The following MYH14 variants were observed in gnomAD, a reference collection of about 807,000 sequenced individuals.
The protein encoded by MYH14 is myosin heavy chain 14.
Under a neutral mutation model 255.5 loss-of-function variants are expected in MYH14, and 123 were observed. That is an observed-to-expected ratio of 0.48 (90% CI 0.42 to 0.56). The LOEUF (loss-of-function observed/expected upper bound fraction) is 0.56. MYH14 is among the 20% of genes least tolerant of loss of function. The pLI is 0.00. For missense variants in MYH14, 2,423 were observed against 2,802.3 expected, an observed-to-expected ratio of 0.86 and a Z score of 3.06; for synonymous variants, 1,095 against 1,161.2, an observed-to-expected ratio of 0.94 and a Z score of 1.16.
chr19:50,230,771 TCG>T lies in MYH14; in HGVS notation c.973+150_973+151del. 6.0e-6 allele frequency: 4 copies of T among 662,254 alleles called. No individual in the cohort carries two copies. Among genetic ancestry groups the T allele is most frequent in the Non-Finnish European group, 1.0e-5 (4 of 381,382 alleles). The allele number at this position is 662,254 out of a possible 1,614,324, so 41.0% of individuals were successfully genotyped here. On this transcript the variant is annotated intron_variant, in intron 9 of 42. Transcript: ENST00000642316. The surrounding 1 kb of genome is among the most constrained non-coding windows in gnomAD (Gnocchi z 4.7). ...CATGAGGCTCCCGCAGCCCCTGCTCTCGCTGCGTAGTGGCGTCTGTCGCACGG... is the reference window on the plus strand; with the variant it reads ...CATGAGGCTCCCGCAGCCCCTGCTCTCTGCGTAGTGGCGTCTGTCGCACGG...
chr19:50,204,542 G>A (rs1183858176), intron 1 of MYH14, among the ~76,000 whole-genome samples: 2 of 152,100 alleles, frequency 1.3e-5, no homozygotes, highest in Non-Finnish European at 2.9e-5. Context: ...GACCCTTCCT[G>A]CCTCAGTTTC....
At chr19:50,208,086 TG>T (rs889411433) in intron 1 of MYH14, among the ~76,000 whole-genome samples, 36 of 152,350 alleles carry the variant, frequency 2.4e-4, no homozygotes, top group African/African-American at 7.9e-4. Flanking sequence ...TCCTGTCCCC[TG>T]GTTTATTCCT....
rs2035675096 is a variant in MYH14 at position 50,280,386 on chromosome 19, G to A, written c.4290+3G>A. 3.3e-6 allele frequency: 5 copies of A among 1,533,674 alleles called. No homozygotes were observed. Among genetic ancestry groups the A allele is most frequent in the Middle Eastern group, 4.6e-4 (2 of 4,312 alleles). Reference sequence around the variant, plus strand: ...AACTGCAGACTGCCCAGGCCCAGGTGAGCAGCCCTACGTAAGACCTTCAGG... The same window carrying A: ...AACTGCAGACTGCCCAGGCCCAGGTAAGCAGCCCTACGTAAGACCTTCAGG... On this transcript the variant is annotated splice_donor_region_variant and intron_variant, in intron 32 of 42. Transcript: ENST00000642316. The surrounding 1 kb of genome is among the most constrained non-coding windows in gnomAD (Gnocchi z 4.8).
intron 10 of MYH14, among the ~76,000 whole-genome samples, chr19:50,238,642 G>C (rs756184877): frequency 6.6e-6 from 1 of 151,962 alleles, no homozygotes; most frequent in African/African-American, 2.4e-5. Context: ...TGGTAGAGTC[G>C]GGGTTCACCA....
At chr19:50,231,806 G>C in intron 9 of MYH14, 124 bp from the exon 10 acceptor site, 1 of 1,362,646 alleles carries the variant, frequency 7.3e-7, no homozygotes, top group Non-Finnish European at 1.0e-6. Context: ...ACACTTGTGA[G>C]TAAAGGCCCC....
intron 14 of MYH14, 55 bp downstream of exon 14, chr19:50,249,878 G>A: frequency 6.3e-7 from 1 of 1,598,522 alleles, no homozygotes; most frequent in Non-Finnish European, 8.5e-7. Flanking sequence ...GTCTCTCCCA[G>A]CATCTGCGAG....
intron 1 of MYH14, among the ~76,000 whole-genome samples, chr19:50,205,142 G>A (rs2031661204): frequency 6.6e-6 from 1 of 152,148 alleles, no homozygotes; most frequent in Admixed American, 6.6e-5. Flanking sequence ...CTGGGCTGGG[G>A]AACTTTCTGA....
rs374486787 is a variant in MYH14, at chr19:50,271,837, T to C, written c.3172-12T>C. 6.7e-5 allele frequency: 108 copies of C among 1,612,764 alleles called. No individual in the cohort carries two copies. In the East Asian group the frequency reaches 8.5e-4, roughly 13 times the overall value. On this transcript the variant is annotated splice_polypyrimidine_tract_variant and intron_variant, in intron 25 of 42. Coordinates refer to ENST00000642316, the MANE Select transcript of MYH14 (RefSeq NM_001145809.2). ...TCCTCCTGACTGCCCCCCATCCCAC[T>C]CCACCCCTCAGGAGCGGAAGCTGCT...
intron 11 of MYH14, among the ~76,000 whole-genome samples, chr19:50,245,622 C>G (rs1205109811): frequency 1.3e-5 from 2 of 152,082 alleles, no homozygotes; most frequent in Non-Finnish European, 2.9e-5. Flanking sequence ...CCCCTCTTCC[C>G]CTGGAGACAG....
chr19:50,206,678 G>A (rs1423141255), intron 1 of MYH14, among the ~76,000 whole-genome samples: 1 of 152,146 alleles, frequency 6.6e-6, no homozygotes, highest in African/African-American at 2.4e-5. Flanking sequence ...GCGGAGCTGG[G>A]ATTCCCGTGG....
At chr19:50,271,601 A>G (rs1195916425) in intron 25 of MYH14, 55 bp downstream of exon 25, 18 of 1,572,994 alleles carry the variant, frequency 1.1e-5, no homozygotes, top group Non-Finnish European at 1.4e-5. Context: ...TGGTGGGTTA[A>G]TGAATGGTGA....
At chr19:50,248,191 C>A (rs1428350244) in intron 12 of MYH14, among the ~76,000 whole-genome samples, 1 of 152,004 alleles carries the variant, frequency 6.6e-6, no homozygotes, top group African/African-American at 2.4e-5. Flanking sequence ...CATGCAGGGT[C>A]TTAGGGGCCA....
chr19:50,261,573 C>A lies in MYH14; in HGVS notation c.2523C>A (p.Asp841Glu). ...GVLAQLEEERDLKVTDIIVSF... is the reference protein window; with the variant it reads ...GVLAQLEEERELKVTDIIVSF... The stretch of plus-strand genomic sequence containing the variant: ...TGGCCCAGCTGGAAGAGGAGCGAGA[C>A]CTGAAGGTCACCGACATCATCGTCT... The change falls in exon 21 of 43, where the codon GAC becomes GAA. Residue 841 changes from aspartate (D) to glutamate (E), a missense_variant. By Grantham distance (45) the Asp-to-Glu change is conservative. This residue lies in a region of MYH14 where 1,513 missense variants were observed against 1,674.8 expected (regional missense o/e 0.90). Coordinates refer to ENST00000642316, the MANE Select transcript of MYH14 (RefSeq NM_001145809.2). The A allele has an allele frequency of 6.2e-7, 1 of 1,602,810 alleles. No homozygotes were observed. Among genetic ancestry groups the A allele is most frequent in the African/African-American group, 1.4e-5 (1 of 73,026 alleles).
At position 50,292,327 on chromosome 19, in the gene MYH14, C is replaced by G. The variant is rs1200049856; in HGVS notation, c.5194C>G (p.Gln1732Glu). The G allele has an allele frequency of 6.3e-7, 1 of 1,596,524 alleles. No homozygotes were observed. The highest frequency in any genetic ancestry group is 8.5e-7 in the Non-Finnish European group (1 of 1,172,138). Residue 1732 changes from glutamine (Q) to glutamate (E), a missense_variant, in exon 37 of 43, where the codon CAG becomes GAG. Transcript: ENST00000642316. ...CACCTCCCGGGAGGAGATCTTCTCCCAGAATCGGGAAAGTGAAAAGCGCCT... is the reference window on the plus strand; with the variant it reads ...CACCTCCCGGGAGGAGATCTTCTCCGAGAATCGGGAAAGTGAAAAGCGCCT... ...TRTSREEIFS[Q>E]NRESEKRLKG...
At chr19:50,255,106 C>A in intron 16 of MYH14, 114 bp from the exon 17 acceptor site, 1 of 721,646 alleles carries the variant, frequency 1.4e-6, no homozygotes, top group South Asian at 1.6e-5. Context: ...TAATAACCCT[C>A]TCCTCTTTTT....
Position 50,259,139 on chromosome 19 carries a change from C to A in MYH14, c.2233-5C>A, listed in dbSNP as rs1332989043. 1 of 1,552,792 alleles carries A rather than the reference C, an allele frequency of 6.4e-7. No individual in the cohort carries two copies. Among genetic ancestry groups the A allele is most frequent in the South Asian group, 1.2e-5 (1 of 84,338 alleles). ...GACCCCCGCGTGTCCGTCCGCTCTCCCCAGGCCGGGAAGCTGGAGCCACGG... is the reference window on the plus strand; with the variant it reads ...GACCCCCGCGTGTCCGTCCGCTCTCACCAGGCCGGGAAGCTGGAGCCACGG... On this transcript the variant is annotated splice_polypyrimidine_tract_variant and splice_region_variant and intron_variant, in intron 18 of 42. Coordinates refer to ENST00000642316, the MANE Select transcript of MYH14 (RefSeq NM_001145809.2).
chr19:50,231,811 G>T, intron 9 of MYH14, 119 bp from the exon 10 acceptor site: 1 of 1,393,822 alleles, frequency 7.2e-7, no homozygotes, highest in Non-Finnish European at 9.8e-7. Flanking sequence ...TGTGAGTAAA[G>T]GCCCCCACCC....
At chr19:50,282,483 C>T (rs566504359) in intron 33 of MYH14, among the ~76,000 whole-genome samples, 1 of 152,318 alleles carries the variant, frequency 6.6e-6, no homozygotes, top group African/African-American at 2.4e-5. Flanking sequence ...GGGCGGATTG[C>T]CTGAGCTCAG....
intron 10 of MYH14, among the ~76,000 whole-genome samples, chr19:50,233,455 C>T (rs1000706239): frequency 6.6e-6 from 1 of 152,172 alleles, no homozygotes; most frequent in African/African-American, 2.4e-5. Context: ...CAGGCGTGAG[C>T]CGCTGCGCCC....
Sources: gnomAD v4.1 joint callset for allele counts (sites outside exome capture counted in the v4.1 genomes callset) on GRCh38, gnomAD v4.1.1 for gene constraint, gnomAD v4.1.1 regional missense constraint, Gnocchi (gnomAD v3.1) non-coding constraint, MANE v1.5 for transcripts, NCBI Gene and HGNC (gene_info 2026-07-23, HGNC 2026-07-21) for gene names.